The following KIF6 variants were observed in gnomAD, a reference collection of about 807,000 sequenced individuals.
KIF6 encodes kinesin-like protein KIF6.
A neutral mutation model predicts 112.7 loss-of-function variants in KIF6; 106 were observed. The ratio of observed to expected loss-of-function variants is 0.94; its 90% CI spans 0.80 to 1.11. The LOEUF is 1.11. Among genes scored for constraint, KIF6 ranks in the 50% least tolerant of loss-of-function variants. The pLI is 0.00. For synonymous variants in KIF6, 339 were observed against 339.9 expected (o/e 1.00, Z 0.03); for missense variants, 929 against 964.0 (o/e 0.96, Z 0.48).
intron 3 of KIF6, among the ~76,000 whole-genome samples, chr6:39,684,218 T>C (rs770006709): frequency 6.6e-6 from 1 of 151,926 alleles, no homozygotes; most frequent in Non-Finnish European, 1.5e-5. Context: ...AAATTAAGAG[T>C]AGGCCGGGTG....
intron 13 of KIF6, among the ~76,000 whole-genome samples, chr6:39,486,013 A>C (rs968270185): frequency 5.9e-5 from 9 of 152,178 alleles, no homozygotes; most frequent in African/African-American, 2.2e-4. Flanking sequence ...GAATTCAGAC[A>C]GTCAGCCTCC....
chr6:39,352,012 C>T (rs1764279936), intron 19 of KIF6, among the ~76,000 whole-genome samples: 1 of 152,220 alleles, frequency 6.6e-6, no homozygotes, highest in Non-Finnish European at 1.5e-5. Flanking sequence ...CAGGTGAATG[C>T]ATGGAGTGGG....
In KIF6 at chr6:39,332,877, C is replaced by T. The variant is rs1252140222; in HGVS notation, c.*3655G>A. On this transcript the variant is annotated 3_prime_UTR_variant, in exon 23 of 23. Coordinates refer to ENST00000287152, the MANE Select transcript of KIF6 (RefSeq NM_145027.6). ...AGCCACTTTGTCCTCCCTGGATTCC[C>T]AGCTCCATTTCCTCAACTCAGGGAA... 1 of 152,198 alleles carries T rather than the reference C, an allele frequency of 6.6e-6. No homozygotes were observed. Among genetic ancestry groups the T allele is most frequent in the Non-Finnish European group, 1.5e-5 (1 of 68,052 alleles). The allele number at this position is 152,198 out of a possible 1,614,324, so 9.4% of individuals were successfully genotyped here. A position where few individuals can be genotyped will look rare whatever the true frequency, so the allele number is the denominator to read the frequency against.
chr6:39,466,850 C>A (rs1773820563), intron 13 of KIF6, among the ~76,000 whole-genome samples: 1 of 152,186 alleles, frequency 6.6e-6, no homozygotes, highest in South Asian at 2.1e-4. Context: ...GCCAAGAATA[C>A]CAGGTCTCGA....
At chr6:39,346,165 C>G in intron 20 of KIF6, among the ~76,000 whole-genome samples, 1 of 141,658 alleles carries the variant, frequency 7.1e-6, no homozygotes, top group African/African-American at 2.6e-5. Flanking sequence ...CTCTCTCTTT[C>G]TCTCCTATGT....
chr6:39,530,729 A>G (rs1468843807), intron 13 of KIF6, among the ~76,000 whole-genome samples: 2 of 152,222 alleles, frequency 1.3e-5, no homozygotes, highest in African/African-American at 2.4e-5. Flanking sequence ...ACAGTTTCAC[A>G]GCAGTTTCAG....
In KIF6 at chr6:39,634,501, A is replaced by G. The variant is rs143360552; in HGVS notation, c.509+348T>C. 2.9e-3 allele frequency among the ~76,000 whole-genome samples: 435 copies of G among 152,210 alleles called. 4 individuals carry two copies. Among genetic ancestry groups the G allele is most frequent in the African/African-American group, 0.01 (416 of 41,554 alleles). ...ATTTGAATACCTTCTTCTCAGAAAGAGGCCACAATTAGAAGAGCAACAGGG... is the reference window on the plus strand; with the variant it reads ...ATTTGAATACCTTCTTCTCAGAAAGGGGCCACAATTAGAAGAGCAACAGGG... On this transcript the variant is annotated intron_variant, in intron 5 of 22. Transcript: ENST00000287152.
intron 7 of KIF6, among the ~76,000 whole-genome samples, chr6:39,590,451 A>ATATATATATTT (rs1338373703): frequency 8.3e-5 from 7 of 84,748 alleles, no homozygotes; most frequent in African/African-American, 3.6e-4. Context: ...ATATATATAT[A>ATATATATATTT]TTTTTTTTTT....
intron 3 of KIF6, among the ~76,000 whole-genome samples, chr6:39,709,625 C>T (rs1190710814): frequency 6.6e-6 from 1 of 152,184 alleles, no homozygotes; most frequent in African/African-American, 2.4e-5. Context: ...GAAAAGATGT[C>T]TAAATTGGTG....
At chr6:39,620,680 C>A (rs1783764579) in intron 5 of KIF6, among the ~76,000 whole-genome samples, 1 of 152,268 alleles carries the variant, frequency 6.6e-6, no homozygotes, top group South Asian at 2.1e-4. Context: ...TTCTTACACA[C>A]ACTTTGCAGA....
At chr6:39,432,198 TTTTG>T (rs1358651867) in intron 13 of KIF6, among the ~76,000 whole-genome samples, 17 of 152,290 alleles carry the variant, frequency 1.1e-4, no homozygotes, top group African/African-American at 3.6e-4. Flanking sequence ...GATAATAGTT[TTTTG>T]TTTGTTTGTT....
At position 39,613,170 on chromosome 6, in the gene KIF6, G is replaced by A; in HGVS notation, c.639+19C>T. 6.5e-7 allele frequency: 1 copy of A among 1,548,666 alleles called. No individual in the cohort carries two copies. Among genetic ancestry groups the A allele is most frequent in the Non-Finnish European group, 8.7e-7 (1 of 1,152,526 alleles). The stretch of plus-strand genomic sequence containing the variant: ...TCTTATAATGTTGAAGAAACAGCTT[G>A]CAGAGAGAAGTTTATTACCTCTGCA... On this transcript the variant is annotated intron_variant, in intron 6 of 22. Transcript: ENST00000287152.
chr6:39,400,524 T>C (rs61276176), intron 15 of KIF6, among the ~76,000 whole-genome samples: 4,122 of 152,268 alleles, frequency 0.027, 172 homozygotes, highest in African/African-American at 0.089. Context: ...TGGTCAGCAT[T>C]GGGAGGCCAG....
At chr6:39,393,421 C>T (rs780821860) in intron 15 of KIF6, among the ~76,000 whole-genome samples, 10 of 152,160 alleles carry the variant, frequency 6.6e-5, no homozygotes, top group South Asian at 2.1e-4. Context: ...GCTGTGACAA[C>T]TGAATTAGGT....
intron 13 of KIF6, among the ~76,000 whole-genome samples, chr6:39,442,404 G>A (rs1771969680): frequency 1.3e-5 from 2 of 152,146 alleles, no homozygotes; most frequent in South Asian, 4.2e-4. Flanking sequence ...TCCTAACCTA[G>A]CATCTCTGGG....
intron 13 of KIF6, among the ~76,000 whole-genome samples, chr6:39,535,619 C>T (rs1455639490): frequency 2.0e-5 from 3 of 152,200 alleles, no homozygotes; most frequent in Non-Finnish European, 4.4e-5. Flanking sequence ...TAATGGGAGA[C>T]TTTAACACCC....
At chr6:39,561,611 G>T (rs1003085829) in intron 10 of KIF6, among the ~76,000 whole-genome samples, 12 of 152,004 alleles carry the variant, frequency 7.9e-5, no homozygotes, top group Admixed American at 6.6e-4. Context: ...GCCTGCCTTG[G>T]CTCCCAAAGT....
At chr6:39,351,688 C>T (rs1764257713) in intron 19 of KIF6, among the ~76,000 whole-genome samples, 2 of 152,122 alleles carry the variant, frequency 1.3e-5, no homozygotes, top group African/African-American at 4.8e-5. Flanking sequence ...AAATGAGAGA[C>T]AGGGCTTTCT....
intron 16 of KIF6, among the ~76,000 whole-genome samples, chr6:39,363,021 C>A (rs920991862): frequency 6.6e-6 from 1 of 151,914 alleles, no homozygotes; most frequent in Non-Finnish European, 1.5e-5. Flanking sequence ...TGGTGGCGGG[C>A]GCCTATAATC....
Sources: gnomAD v4.1 joint callset for allele counts (sites outside exome capture counted in the v4.1 genomes callset) on GRCh38, gnomAD v4.1.1 for gene constraint, MANE v1.5 for transcripts, NCBI Gene and HGNC (gene_info 2026-07-23, HGNC 2026-07-21) for gene names.